Variants in ATP8A1 observed in about 807,000 individuals in gnomAD.
ATP8A1 encodes ATPase phospholipid transporting 8A1.
ATP8A1 carries 90 observed loss-of-function variants against 177.7 expected under a neutral mutation model. The ratio of observed to expected loss-of-function variants is 0.51; its 90% CI spans 0.43 to 0.60. The LOEUF (loss-of-function observed/expected upper bound fraction) is 0.60. Ranked by LOEUF, ATP8A1 falls within the 20% of genes least tolerant of loss-of-function variation. The pLI is 0.00. For synonymous variants in ATP8A1, 493 were observed against 485.9 expected, an observed-to-expected ratio of 1.01 and a Z score of -0.19; for missense variants, 1,072 against 1,392.8, an observed-to-expected ratio of 0.77 and a Z score of 3.67.
intron 20 of ATP8A1, among the ~76,000 whole-genome samples, chr4:42,543,251 A>G (rs1298880102): frequency 6.6e-6 from 1 of 152,178 alleles, no homozygotes; most frequent in Non-Finnish European, 1.5e-5. Flanking sequence ...TGTTGACTCT[A>G]TTCAAAATAG....
chr4:42,580,035 ATACT>A lies in ATP8A1; in HGVS notation c.835-61_835-58del, dbSNP rs1248511546. On this transcript the variant is annotated intron_variant, in intron 10 of 36. Coordinates refer to ENST00000381668, the MANE Select transcript of ATP8A1 (RefSeq NM_006095.2). ...ATGTACACCAATGATTTAGCAATCT[ATACT>A]TAGTATTCTGTTGAGGATGACAAAG... 7 of 1,324,548 alleles carry A rather than the reference ATACT, an allele frequency of 5.3e-6. No homozygotes were observed. The African/African-American group carries it at 8.9e-5, about 17-fold the overall frequency. 82.0% of individuals were successfully genotyped at this position (1,324,548 alleles called of 1,614,324 possible). A position where few individuals can be genotyped will look rare whatever the true frequency, so the allele number is the denominator to read the frequency against.
chr4:42,541,389 G>A (rs1464325154), intron 20 of ATP8A1, among the ~76,000 whole-genome samples: 1 of 152,210 alleles, frequency 6.6e-6, no homozygotes, highest in African/African-American at 2.4e-5. Flanking sequence ...GGGTGAAGAT[G>A]TGGAGCAACA....
chr4:42,600,240 CAA>C lies in ATP8A1; in HGVS notation c.450+236_450+237del, dbSNP rs1289836171. ...AAATAAAATCTATGATAACAGTACTCAAAATATACTATGAAAAAAACAAAAAG... is the reference window on the plus strand; with the variant it reads ...AAATAAAATCTATGATAACAGTACTCAATATACTATGAAAAAAACAAAAAG... On this transcript the variant is annotated intron_variant, in intron 6 of 36. Coordinates refer to ENST00000381668, the MANE Select transcript of ATP8A1 (RefSeq NM_006095.2). Among the ~76,000 whole-genome samples the C allele has an allele frequency of 9.2e-5, 14 of 152,042 alleles. No homozygotes were observed. The South Asian group carries it at 2.7e-3, about 29-fold the overall frequency.
chr4:42,643,799 T>A (rs1740246365), intron 1 of ATP8A1, among the ~76,000 whole-genome samples: 1 of 152,000 alleles, frequency 6.6e-6, no homozygotes, highest in Non-Finnish European at 1.5e-5. Flanking sequence ...GAAACAGGAG[T>A]CTCACAGAGG....
rs184896920 is a variant in ATP8A1, at chr4:42,563,179, C to T, written c.1340+5982G>A. 1.5e-3 allele frequency among the ~76,000 whole-genome samples: 231 copies of T among 152,278 alleles called. 1 individual carries two copies. The highest frequency in any genetic ancestry group is 6.8e-3 in the Middle Eastern group (2 of 294). On this transcript the variant is annotated intron_variant, in intron 15 of 36. Coordinates refer to ENST00000381668, the MANE Select transcript of ATP8A1 (RefSeq NM_006095.2). ...CTGATAGTGATGTGGACAATAAGGT[C>T]CAGGCTGAGGTAGTCTCAGATGCAG...
chr4:42,419,971 C>A (rs1490716388), intron 35 of ATP8A1, among the ~76,000 whole-genome samples: 1 of 151,946 alleles, frequency 6.6e-6, no homozygotes, highest in Non-Finnish European at 1.5e-5. Context: ...CCATTGCACT[C>A]CAGCCCGGGT....
chr4:42,468,839 GA>G (rs1720097168), intron 25 of ATP8A1, among the ~76,000 whole-genome samples: 1 of 152,126 alleles, frequency 6.6e-6, no homozygotes, highest in African/African-American at 2.4e-5. Context: ...AGACATAATG[GA>G]AGCCTTTTCT....
At chr4:42,445,338 G>A (rs898739252) in intron 31 of ATP8A1, among the ~76,000 whole-genome samples, 4 of 152,224 alleles carry the variant, frequency 2.6e-5, no homozygotes, top group African/African-American at 9.6e-5. Flanking sequence ...GTTACTTCAC[G>A]TCTCTGTGTC....
At chr4:42,516,843 A>C (rs988683289) in intron 22 of ATP8A1, among the ~76,000 whole-genome samples, 2 of 152,214 alleles carry the variant, frequency 1.3e-5, no homozygotes, top group Non-Finnish European at 2.9e-5. Flanking sequence ...CAAAGAATAG[A>C]AGCTCAGACC....
intron 36 of ATP8A1, among the ~76,000 whole-genome samples, chr4:42,413,450 C>A (rs1231034264): frequency 6.6e-6 from 1 of 152,128 alleles, no homozygotes; most frequent in Non-Finnish European, 1.5e-5. Flanking sequence ...TTCAACCATC[C>A]CACCATGTAC....
intron 2 of ATP8A1, chr4:42,626,769 A>G (rs1031668445): frequency 3.6e-6 from 2 of 550,542 alleles, no homozygotes; most frequent in African/African-American, 3.8e-5. Flanking sequence ...TCTATGCAGC[A>G]TCGGCAGAGG....
intron 36 of ATP8A1, 124 bp from the exon 37 acceptor site, chr4:42,413,137 G>C: frequency 1.4e-6 from 1 of 701,510 alleles, no homozygotes; most frequent in Admixed American, 2.5e-5. Flanking sequence ...CAAAAGCATG[G>C]AGACACTGAT....
intron 23 of ATP8A1, among the ~76,000 whole-genome samples, chr4:42,503,788 G>C (rs189552237): frequency 2.6e-5 from 4 of 152,304 alleles, no homozygotes; most frequent in Non-Finnish European, 5.9e-5. Context: ...CTGACAAATG[G>C]ATTTGTAATA....
intron 22 of ATP8A1, among the ~76,000 whole-genome samples, chr4:42,521,552 C>A (rs925377045): frequency 6.6e-6 from 1 of 152,094 alleles, no homozygotes; most frequent in Non-Finnish European, 1.5e-5. Context: ...GGCTTAATAG[C>A]CTTGGTTTCT....
At position 42,448,398 on chromosome 4, in the gene ATP8A1, T is replaced by TTAC. The variant is rs1213526062; in HGVS notation, c.2897-1755_2897-1754insGTA. Among the ~76,000 whole-genome samples the TTAC allele has an allele frequency of 1.6e-4, 15 of 95,418 alleles. 2 individuals carry two copies. The highest frequency in any genetic ancestry group is 6.0e-4 in the Admixed American group (5 of 8,388). The allele number at this position is 95,418 out of a possible 152,430, so 62.6% of individuals were successfully genotyped here. A position where few individuals can be genotyped will look rare whatever the true frequency, so the allele number is the denominator to read the frequency against. On this transcript the variant is annotated intron_variant, in intron 30 of 36. Coordinates refer to ENST00000381668, the MANE Select transcript of ATP8A1 (RefSeq NM_006095.2). ...AGCCTCCCTCCCTCCTTCTCTTTCT[T>TTAC]TTCTTTTTTTTTTTTTTGAGATGGA...
At chr4:42,527,362 G>A (rs1726786175) in intron 20 of ATP8A1, among the ~76,000 whole-genome samples, 2 of 152,168 alleles carry the variant, frequency 1.3e-5, no homozygotes, top group Admixed American at 6.5e-5. Context: ...ACGTGTGGGA[G>A]GACCCTGATG....
At chr4:42,592,032 CTA>C (rs1734231901) in intron 6 of ATP8A1, among the ~76,000 whole-genome samples, 1 of 152,044 alleles carries the variant, frequency 6.6e-6, no homozygotes, top group Non-Finnish European at 1.5e-5. Flanking sequence ...CAACTACTAC[CTA>C]TTTCATGAGG....
chr4:42,441,642 T>TACACGC (rs1716656512), intron 33 of ATP8A1, among the ~76,000 whole-genome samples: 1 of 152,152 alleles, frequency 6.6e-6, no homozygotes, highest in South Asian at 2.1e-4. Context: ...GAGGCTCATT[T>TACACGC]ACACGCACAC....
intron 20 of ATP8A1, among the ~76,000 whole-genome samples, chr4:42,525,315 G>A (rs116410940): frequency 0.01 from 1,535 of 152,234 alleles, 22 homozygotes; most frequent in African/African-American, 0.036. Flanking sequence ...ATCTCGAAGG[G>A]GCTACATGCT....
Sources: gnomAD v4.1 joint callset for allele counts (sites outside exome capture counted in the v4.1 genomes callset) on GRCh38, gnomAD v4.1.1 for gene constraint, MANE v1.5 for transcripts, NCBI Gene and HGNC (gene_info 2026-07-23, HGNC 2026-07-21) for gene names.